Variants in ARHGAP31 observed in about 807,000 individuals in gnomAD.
The protein encoded by ARHGAP31 is rho GTPase-activating protein 31.
A neutral mutation model predicts 113.9 loss-of-function variants in ARHGAP31; 34 were observed. The observed-to-expected ratio is 0.30, with a 90% confidence interval of 0.23 to 0.40. ARHGAP31 has a LOEUF of 0.40. Among genes scored for constraint, ARHGAP31 ranks in the 10% least tolerant of loss-of-function variants. The pLI, the probability that ARHGAP31 is intolerant of heterozygous loss-of-function variation, is 1.00. For missense variants in ARHGAP31, 1,548 were observed against 1,767.1 expected (o/e 0.88, Z 2.22); for synonymous variants, 650 against 684.8 (o/e 0.95, Z 0.79).
intron 11 of ARHGAP31, 32 bp downstream of exon 11, chr3:119,409,808 G>A (rs754532680): frequency 1.3e-6 from 2 of 1,555,358 alleles, no homozygotes; most frequent in South Asian, 2.4e-5. Flanking sequence ...CTCCAGCCAG[G>A]TGGAGTTATT....
intron 1 of ARHGAP31, among the ~76,000 whole-genome samples, chr3:119,324,592 T>C (rs543008403): frequency 6.6e-6 from 1 of 152,340 alleles, no homozygotes; most frequent in South Asian, 2.1e-4. Context: ...CAAGGTTCCT[T>C]GTCCCTCCCA....
rs377143278 is a variant in ARHGAP31, at chr3:119,416,251, G to A, written c.4322G>A (p.Arg1441Lys). Residue 1441 changes from arginine to lysine, a missense_variant, in exon 12 of 12, where the codon AGG (arginine) becomes AAG (lysine). Transcript: ENST00000264245. ...GTAATTCTGGATGGAAGAAGTGGGAGGCAAATAGAATGATTTCGGTTCACC... is the reference window on the plus strand; with the variant it reads ...GTAATTCTGGATGGAAGAAGTGGGAAGCAAATAGAATGATTTCGGTTCACC... ...RSVILDGRSG[R>K]QIE 6.2e-7 allele frequency: 1 copy of A among 1,613,946 alleles called. No individual in the cohort carries two copies. Among genetic ancestry groups the A allele is most frequent in the Non-Finnish European group, 8.5e-7 (1 of 1,180,032 alleles).
chr3:119,297,199 C>A (rs1456074911), intron 1 of ARHGAP31, among the ~76,000 whole-genome samples: 1 of 152,054 alleles, frequency 6.6e-6, no homozygotes, highest in Admixed American at 6.5e-5. Flanking sequence ...TGGTTTTTTT[C>A]TGTGTATTTG....
Position 119,294,741 on chromosome 3 carries a change from C to A in ARHGAP31, c.-164C>A. 1 of 688,156 alleles carries A rather than the reference C, an allele frequency of 1.5e-6. No homozygotes were observed. The highest frequency in any genetic ancestry group is 2.6e-6 in the Non-Finnish European group (1 of 392,128). The allele number at this position is 688,156 out of a possible 1,614,324, so 42.6% of individuals were successfully genotyped here. A position where few individuals can be genotyped will look rare whatever the true frequency, so the allele number is the denominator to read the frequency against. On this transcript the variant is annotated 5_prime_UTR_variant, in exon 1 of 12. Transcript: ENST00000264245. ...ATCTCAGGCTCTGCCGGCCCGCGGCCCGCGGGGTCCATGCGCAGGGCCCCC... is the reference window on the plus strand; with the variant it reads ...ATCTCAGGCTCTGCCGGCCCGCGGCACGCGGGGTCCATGCGCAGGGCCCCC...
At chr3:119,335,073 T>C (rs1040768141) in intron 1 of ARHGAP31, among the ~76,000 whole-genome samples, 3 of 144,574 alleles carry the variant, frequency 2.1e-5, no homozygotes, top group African/African-American at 5.3e-5. Context: ...GAAATTCATT[T>C]TCCCATGGGA....
intron 1 of ARHGAP31, among the ~76,000 whole-genome samples, chr3:119,355,792 A>C (rs995571982): frequency 3.3e-5 from 5 of 152,192 alleles, no homozygotes; most frequent in Admixed American, 6.5e-5. Flanking sequence ...AGCTTCATCC[A>C]TGTCCCTACA....
intron 1 of ARHGAP31, among the ~76,000 whole-genome samples, chr3:119,334,519 C>T (rs1437817930): frequency 6.6e-6 from 1 of 152,220 alleles, no homozygotes; most frequent in African/African-American, 2.4e-5. Flanking sequence ...GAAGTCATGC[C>T]TTCTGGGCCC....
At chr3:119,304,911 A>G (rs1056363921) in intron 1 of ARHGAP31, among the ~76,000 whole-genome samples, 1 of 64,258 alleles carries the variant, frequency 1.6e-5, no homozygotes, top group Non-Finnish European at 2.6e-5. Context: ...AAATAAAATA[A>G]AATAAAATAA....
intron 8 of ARHGAP31, among the ~76,000 whole-genome samples, chr3:119,396,444 A>G (rs2080550966): frequency 6.6e-6 from 1 of 152,210 alleles, no homozygotes; most frequent in African/African-American, 2.4e-5. Flanking sequence ...GTGTCAATAT[A>G]AGTGGCTCCC....
chr3:119,359,744 C>T (rs933402155), intron 1 of ARHGAP31, among the ~76,000 whole-genome samples: 1 of 151,962 alleles, frequency 6.6e-6, no homozygotes, highest in South Asian at 2.1e-4. Flanking sequence ...GGGGGGGAAA[C>T]GCCTAGGAAG....
rs935616 is a variant in ARHGAP31, at chr3:119,393,712, A to G, written c.1006+121A>G. 0.58 allele frequency: 782,662 copies of G among 1,358,870 alleles called. 228,982 individuals carry two copies. The highest frequency in any genetic ancestry group is 0.87 in the East Asian group (36,225 of 41,878). The allele number at this position is 1,358,870 out of a possible 1,614,324, so 84.2% of individuals were successfully genotyped here. A position where few individuals can be genotyped will look rare whatever the true frequency, so the allele number is the denominator to read the frequency against. ...TGAAAGAGAAACTTATAAATTAACT[A>G]GGGGAAGAGGAGTCTTTTTTCAAAA... is the stretch of plus-strand genomic sequence containing the variant. On this transcript the variant is annotated intron_variant, in intron 8 of 11. Coordinates refer to ENST00000264245, the MANE Select transcript of ARHGAP31 (RefSeq NM_020754.4).
chr3:119,323,944 A>G (rs934782212), intron 1 of ARHGAP31, among the ~76,000 whole-genome samples: 17 of 152,154 alleles, frequency 1.1e-4, no homozygotes, highest in African/African-American at 3.4e-4. Context: ...TGCTGGGAAT[A>G]AGAAGGTGGG....
At chr3:119,361,491 C>T (rs1010421445) in intron 1 of ARHGAP31, among the ~76,000 whole-genome samples, 5 of 151,696 alleles carry the variant, frequency 3.3e-5, no homozygotes, top group African/African-American at 1.2e-4. Flanking sequence ...AAGTGATTCT[C>T]CTGCCTCAGG....
chr3:119,326,584 G>A (rs565168379), intron 1 of ARHGAP31, among the ~76,000 whole-genome samples: 8 of 152,132 alleles, frequency 5.3e-5, no homozygotes, highest in Non-Finnish European at 1.0e-4. Flanking sequence ...TAACTGATGG[G>A]GAGAAGTTTT....
intron 8 of ARHGAP31, among the ~76,000 whole-genome samples, chr3:119,397,598 G>C (rs1286078218): frequency 6.6e-6 from 1 of 152,230 alleles, no homozygotes; most frequent in African/African-American, 2.4e-5. Flanking sequence ...CCTTTGCAAA[G>C]GATTTGCATG....
rs1315697218 is a variant in ARHGAP31 at position 119,415,246 on chromosome 3, C to T, written c.3317C>T (p.Ser1106Phe). 5.0e-6 allele frequency: 8 copies of T among 1,614,190 alleles called. No individual in the cohort carries two copies. The highest frequency in any genetic ancestry group is 5.9e-6 in the Non-Finnish European group (7 of 1,180,028). ...GPPKGKNRPSSLNLDPAIPIA... is the reference protein window; with the variant it reads ...GPPKGKNRPSFLNLDPAIPIA... ...CCAAAAGGGAAAAACAGGCCTTCTT[C>T]CCTCAACTTGGACCCTGCCATTCCC... is the stretch of plus-strand genomic sequence containing the variant. The change falls in exon 12 of 12, where the codon TCC (serine) becomes TTC (phenylalanine). Residue 1106 changes from serine (S) to phenylalanine (F), a missense_variant. By Grantham distance (155) the Ser-to-Phe change is radical (BLOSUM62 -2). Coordinates refer to ENST00000264245, the MANE Select transcript of ARHGAP31 (RefSeq NM_020754.4).
chr3:119,403,270 C>T (rs1229617061), intron 10 of ARHGAP31, among the ~76,000 whole-genome samples: 1 of 152,166 alleles, frequency 6.6e-6, no homozygotes, highest in Non-Finnish European at 1.5e-5. Flanking sequence ...CTCATTTCTC[C>T]CCTCTATCCT....
At position 119,332,761 on chromosome 3, in the gene ARHGAP31, C is replaced by T. The variant is rs775729315; in HGVS notation, c.101-32555C>T. Among the ~76,000 whole-genome samples, 22 of 151,790 alleles carry T rather than the reference C, an allele frequency of 1.4e-4. 1 individual carries two copies. The highest frequency in any genetic ancestry group is 2.5e-4 in the Non-Finnish European group (17 of 67,932). On this transcript the variant is annotated intron_variant, in intron 1 of 11. Transcript: ENST00000264245. Reference sequence around the variant, plus strand: ...GTGAGCCTTTTTTTGGCAGCTTTGCCCTGCTGCTCACTCATGTTGACAAGT... The same window carrying T: ...GTGAGCCTTTTTTTGGCAGCTTTGCTCTGCTGCTCACTCATGTTGACAAGT...
Position 119,294,970 on chromosome 3 carries a change from C to G in ARHGAP31, c.66C>G (p.Asp22Glu). The G allele has an allele frequency of 6.2e-7, 1 of 1,614,064 alleles. No individual in the cohort carries two copies. The highest frequency in any genetic ancestry group is 8.5e-7 in the Non-Finnish European group (1 of 1,180,018). The part of the protein sequence containing the change: ...RKGAASAFGC[D>E]LTEYLESSGQ... Reference sequence around the variant, plus strand: ...GAGCCGCCAGCGCGTTTGGCTGTGACCTGACGGAGTATCTGGAAAGCTCGG... The same window carrying G: ...GAGCCGCCAGCGCGTTTGGCTGTGAGCTGACGGAGTATCTGGAAAGCTCGG... The change falls in exon 1 of 12, where the codon GAC becomes GAG. Residue 22 changes from aspartate to glutamate, a missense_variant. Transcript: ENST00000264245.
Sources: allele counts gnomAD v4.1 joint callset (sites outside exome capture counted in the v4.1 genomes callset), GRCh38; gene constraint gnomAD v4.1.1; transcripts MANE v1.5; gene names NCBI Gene and HGNC (gene_info 2026-07-23, HGNC 2026-07-21).